The following AIM2 variants were observed in gnomAD, a reference collection of about 807,000 sequenced individuals.
AIM2 encodes interferon-inducible protein AIM2.
AIM2 carries 30 observed loss-of-function variants against 27.7 expected under a neutral mutation model. That is an observed-to-expected ratio of 1.08 (90% CI 0.81 to 1.47). The LOEUF (loss-of-function observed/expected upper bound fraction) is 1.47, where lower values mean the gene tolerates loss of function less well. AIM2 is among the 40% of genes most tolerant of loss of function. AIM2 has a pLI of 0.00. For synonymous variants in AIM2, 141 were observed against 145.3 expected (o/e 0.97, Z 0.21); for missense variants, 358 against 411.3 (o/e 0.87, Z 1.12).
chr1:159,132,555 CTT>C (rs1339301522), intron 1 of AIM2, among the ~76,000 whole-genome samples: 2 of 152,168 alleles, frequency 1.3e-5, no homozygotes, highest in African/African-American at 4.8e-5. Context: ...AAAATCATCT[CTT>C]TTGCGATATA....
chr1:159,121,643 G>A (rs1237923255), intron 1 of AIM2, among the ~76,000 whole-genome samples: 1 of 152,154 alleles, frequency 6.6e-6, no homozygotes, highest in African/African-American at 2.4e-5. Flanking sequence ...TGAGTGTCCT[G>A]TGCCAATGTT....
downstream of AIM2, among the ~76,000 whole-genome samples, chr1:159,062,182 T>C (rs1655858958): frequency 6.6e-6 from 1 of 152,234 alleles, no homozygotes; most frequent in South Asian, 2.1e-4. Context: ...TTATTCTTTC[T>C]CCAATAACAC....
intron 1 of AIM2, among the ~76,000 whole-genome samples, chr1:159,117,934 T>C (rs992822568): frequency 2.0e-5 from 3 of 152,232 alleles, no homozygotes; most frequent in Admixed American, 6.5e-5. Context: ...ATTGTATGTA[T>C]GTTTGTGTCC....
chr1:159,115,904 A>C (rs909767942), intron 1 of AIM2, among the ~76,000 whole-genome samples: 8 of 152,102 alleles, frequency 5.3e-5, no homozygotes, highest in African/African-American at 1.4e-4. Flanking sequence ...CAACCTACAG[A>C]ATGGGAGAAA....
At chr1:159,131,133 C>T (rs1041722294) in intron 1 of AIM2, among the ~76,000 whole-genome samples, 1 of 152,140 alleles carries the variant, frequency 6.6e-6, no homozygotes, top group Non-Finnish European at 1.5e-5. Flanking sequence ...TGTCTGTCTT[C>T]CACACTCCAG....
At chr1:159,121,463 G>T (rs945305294) in intron 1 of AIM2, among the ~76,000 whole-genome samples, 1 of 152,098 alleles carries the variant, frequency 6.6e-6, no homozygotes, top group Non-Finnish European at 1.5e-5. Context: ...CCAGTTTGAC[G>T]TGCTTTTGTA....
intron 1 of AIM2, among the ~76,000 whole-genome samples, chr1:159,093,531 C>G (rs1415845378): frequency 6.6e-6 from 1 of 151,796 alleles, no homozygotes; most frequent in Non-Finnish European, 1.5e-5. Context: ...CTGTTAAAGC[C>G]AAAAAACGGG....
At chr1:159,122,212 C>G (rs1476714983) in intron 1 of AIM2, 1 of 152,136 alleles carries the variant, frequency 6.6e-6, no homozygotes, top group East Asian at 1.9e-4. Context: ...AATGGTTTAA[C>G]ACTAAAAAGA....
At chr1:159,064,367 A>G (rs1334988335) in intron 4 of AIM2, among the ~76,000 whole-genome samples, 4 of 152,242 alleles carry the variant, frequency 2.6e-5, no homozygotes, top group Non-Finnish European at 4.4e-5. Flanking sequence ...CCATAGAAGC[A>G]ACAACTGCTG....
chr1:159,107,335 C>T (rs531652408), intron 1 of AIM2, among the ~76,000 whole-genome samples: 15 of 141,306 alleles, frequency 1.1e-4, no homozygotes, highest in African/African-American at 2.7e-4. Flanking sequence ...TGTGTGTGCG[C>T]GCACTATAGC....
chr1:159,103,745 C>T (rs943898099), intron 1 of AIM2, among the ~76,000 whole-genome samples: 2 of 152,216 alleles, frequency 1.3e-5, no homozygotes, highest in African/African-American at 2.4e-5. Context: ...CCTTTCTTCT[C>T]ACTTTCACTT....
At chr1:159,062,977 C>G (rs1450543384) in intron 5 of AIM2, among the ~76,000 whole-genome samples, 1 of 152,150 alleles carries the variant, frequency 6.6e-6, no homozygotes, top group East Asian at 1.9e-4. Flanking sequence ...AGATAGCAGG[C>G]AGTGCAACCA....
upstream of AIM2, among the ~76,000 whole-genome samples, chr1:159,145,490 T>C (rs914619602): frequency 6.6e-6 from 1 of 152,176 alleles, no homozygotes; most frequent in African/African-American, 2.4e-5. Context: ...CAGGTAACAA[T>C]TCAGCATGAG....
At chr1:159,116,399 C>A (rs1279381318) in intron 1 of AIM2, among the ~76,000 whole-genome samples, 3 of 152,152 alleles carry the variant, frequency 2.0e-5, no homozygotes, top group Non-Finnish European at 4.4e-5. Flanking sequence ...TTTATTGTGG[C>A]ACTATTCACA....
At chr1:159,110,568 GA>G (rs888310376) in intron 1 of AIM2, among the ~76,000 whole-genome samples, 3 of 150,890 alleles carry the variant, frequency 2.0e-5, no homozygotes, top group African/African-American at 2.4e-5. Context: ...AGATTTCAAA[GA>G]AAAAAAAACT....
intron 1 of AIM2, chr1:159,132,439 T>C (rs1388990463): frequency 1.3e-5 from 2 of 152,084 alleles, no homozygotes; most frequent in Non-Finnish European, 1.5e-5. Flanking sequence ...AGAGTTTGCA[T>C]TGGAAAAGCT....
At chr1:159,077,718 A>G (rs746303397), upstream of AIM2, among the ~76,000 whole-genome samples, 67 of 152,272 alleles carry the variant, frequency 4.4e-4, no homozygotes, top group Middle Eastern at 6.8e-3. Context: ...GCATATATAC[A>G]GTCTTTCTTC....
chr1:159,091,971 G>A (rs1201446349), intron 1 of AIM2, among the ~76,000 whole-genome samples: 2 of 152,122 alleles, frequency 1.3e-5, no homozygotes, highest in Non-Finnish European at 2.9e-5. Flanking sequence ...TTGCCCAAGG[G>A]CACACACACC....
At chr1:159,125,855 C>G (rs1647672520) in intron 1 of AIM2, among the ~76,000 whole-genome samples, 1 of 152,126 alleles carries the variant, frequency 6.6e-6, no homozygotes, top group Non-Finnish European at 1.5e-5. Context: ...ATCAGAATTT[C>G]AGGTAGAGTT....
Sources: gnomAD v4.1 joint callset for allele counts (sites outside exome capture counted in the v4.1 genomes callset) on GRCh38, gnomAD v4.1.1 for gene constraint, MANE v1.5 for transcripts, NCBI Gene and HGNC (gene_info 2026-07-23, HGNC 2026-07-21) for gene names.